Variants in FAM169A observed in about 807,000 individuals in gnomAD.
FAM169A encodes family with sequence similarity 169 member A.
In FAM169A, 24 loss-of-function variants were observed where a neutral mutation model predicts 75.7. That is an observed-to-expected ratio of 0.32 (90% confidence interval 0.23 to 0.45). The LOEUF (loss-of-function observed/expected upper bound fraction) is 0.45. Ranked by LOEUF, FAM169A falls within the 20% of genes least tolerant of loss-of-function variation. FAM169A has a pLI of 1.00. For synonymous variants in FAM169A, 271 were observed against 271.0 expected (o/e 1.00, Z 0.00); for missense variants, 673 against 784.0 (o/e 0.86, Z 1.69).
At chr5:74,785,589 C>A (rs896347110) in intron 11 of FAM169A, among the ~76,000 whole-genome samples, 6 of 152,146 alleles carry the variant, frequency 3.9e-5, no homozygotes, top group African/African-American at 1.4e-4. Context: ...TTGGCAAAAA[C>A]CCCATCTCTA....
In FAM169A at chr5:74,859,786, G is replaced by A. The variant is rs374728550; in HGVS notation, c.-4+6379C>T. Among the ~76,000 whole-genome samples, 4 of 152,220 alleles carry A rather than the reference G, an allele frequency of 2.6e-5. No homozygotes were observed. The East Asian group carries it at 7.7e-4, about 29-fold the overall frequency. ...TAATCCCAGCACTTTGGGAGGCTGA[G>A]GTAGAAGGACTGCTTGAGGCCAGGA... On this transcript the variant is annotated intron_variant, in intron 1 of 12. Coordinates refer to ENST00000687041, the MANE Select transcript of FAM169A (RefSeq NM_001376049.1).
chr5:74,840,556 C>T (rs1030719148), intron 2 of FAM169A, among the ~76,000 whole-genome samples: 1 of 148,174 alleles, frequency 6.7e-6, no homozygotes, highest in African/African-American at 2.5e-5. Flanking sequence ...AGGCCGGGCA[C>T]AGTGGCTCAC....
intron 11 of FAM169A, among the ~76,000 whole-genome samples, chr5:74,791,401 G>A (rs551171682): frequency 3.3e-5 from 5 of 152,222 alleles, no homozygotes; most frequent in East Asian, 3.9e-4. Context: ...ATGACATTAC[G>A]TTCTGCTGGC....
At chr5:74,852,641 T>A (rs554116589) in intron 1 of FAM169A, among the ~76,000 whole-genome samples, 8 of 151,870 alleles carry the variant, frequency 5.3e-5, no homozygotes, top group African/African-American at 1.9e-4. Context: ...AATGGATGAC[T>A]GAAAGTACAC....
At chr5:74,809,317 A>G (rs1375982501) in intron 6 of FAM169A, among the ~76,000 whole-genome samples, 2 of 152,184 alleles carry the variant, frequency 1.3e-5, no homozygotes, top group African/African-American at 4.8e-5. Context: ...TAACTCGGCC[A>G]GGTGTGGTGG....
intron 1 of FAM169A, among the ~76,000 whole-genome samples, chr5:74,863,618 G>A (rs1487351193): frequency 2.0e-5 from 3 of 152,168 alleles, no homozygotes; most frequent in East Asian, 3.8e-4. Context: ...ACTGAACATA[G>A]TATGCTTAAG....
rs1245892196 is a variant in FAM169A at position 74,778,997 on chromosome 5, G to T, written c.*2463C>A. 1 of 152,144 alleles carries T rather than the reference G, an allele frequency of 6.6e-6. No homozygotes were observed. Among genetic ancestry groups the T allele is most frequent in the African/African-American group, 2.4e-5 (1 of 41,448 alleles). 9.4% of individuals were successfully genotyped at this position (152,144 alleles called of 1,614,324 possible). A position where few individuals can be genotyped will look rare whatever the true frequency, so the allele number is the denominator to read the frequency against. ...ATTCTATACTCAAGTTACTGAACAT[G>T]AGAGTTAGGTTTTTCCAAGTGATCT... is the stretch of plus-strand genomic sequence containing the variant. On this transcript the variant is annotated 3_prime_UTR_variant, in exon 13 of 13. Coordinates refer to ENST00000687041, the MANE Select transcript of FAM169A (RefSeq NM_001376049.1).
At chr5:74,854,262 G>A (rs1038223298) in intron 1 of FAM169A, among the ~76,000 whole-genome samples, 1 of 152,046 alleles carries the variant, frequency 6.6e-6, no homozygotes, top group African/African-American at 2.4e-5. Flanking sequence ...AGGTATGGTG[G>A]CGGATGCCTG....
In FAM169A at chr5:74,782,028, TCAACAAATAA is replaced by T; in HGVS notation, c.1465-30_1465-21del. ...TGGGGTCTGAAAATTAAAAACCTGG[TCAACAAATAA>T]ACTTGTACTACAGTTCTAAAAATAA... On this transcript the variant is annotated intron_variant, in intron 12 of 12. Coordinates refer to ENST00000687041, the MANE Select transcript of FAM169A (RefSeq NM_001376049.1). 3 of 1,576,576 alleles carry T rather than the reference TCAACAAATAA, an allele frequency of 1.9e-6. No individual in the cohort carries two copies. The highest frequency in any genetic ancestry group is 2.6e-6 in the Non-Finnish European group (3 of 1,158,250).
intron 2 of FAM169A, among the ~76,000 whole-genome samples, chr5:74,840,581 C>A (rs1451720434): frequency 6.7e-6 from 1 of 150,224 alleles, no homozygotes; most frequent in Non-Finnish European, 1.5e-5. Flanking sequence ...GTAATCCCAG[C>A]ACTCTGGGGA....
chr5:74,792,236 T>C (rs1372099882), intron 11 of FAM169A, among the ~76,000 whole-genome samples: 3 of 152,182 alleles, frequency 2.0e-5, no homozygotes, highest in Admixed American at 6.5e-5. Context: ...TTGATTGGAT[T>C]GAAGGATGCA....
intron 11 of FAM169A, among the ~76,000 whole-genome samples, chr5:74,784,004 A>C (rs1401090455): frequency 6.6e-6 from 1 of 152,084 alleles, no homozygotes; most frequent in Non-Finnish European, 1.5e-5. Context: ...GTTCTAAAAT[A>C]AAAATTGTCT....
chr5:74,800,975 T>C lies in FAM169A; in HGVS notation c.1008A>G (p.Pro336=), dbSNP rs1464428579. 1.3e-6 allele frequency: 2 copies of C among 1,563,226 alleles called. No homozygotes were observed. Among genetic ancestry groups the C allele is most frequent in the Admixed American group, 3.7e-5 (2 of 53,890 alleles). Residue 336 remains proline (P), a synonymous_variant, in exon 10 of 13, where the codon CCA becomes CCG. Coordinates refer to ENST00000687041, the MANE Select transcript of FAM169A (RefSeq NM_001376049.1). ...AATCCTGAAACCGCTTTCCAATCTT[T>C]GGCCGCTTTAGATTACCACTTCGAG... ...THTRSGNLKR[P]KIGKRFQDSE...
At chr5:74,799,342 G>A in intron 10 of FAM169A, 1 of 1,608,860 alleles carries the variant, frequency 6.2e-7, no homozygotes, top group Non-Finnish European at 8.5e-7. Context: ...GGGAAGTGAA[G>A]CACGACTCAT....
intron 1 of FAM169A, among the ~76,000 whole-genome samples, chr5:74,850,733 G>A (rs1749399046): frequency 1.3e-5 from 2 of 152,026 alleles, no homozygotes; most frequent in Admixed American, 1.3e-4. Flanking sequence ...AAACTCAGAG[G>A]CAAATTATAA....
At chr5:74,809,328 C>T (rs1747046608) in intron 6 of FAM169A, among the ~76,000 whole-genome samples, 1 of 152,206 alleles carries the variant, frequency 6.6e-6, no homozygotes, top group African/African-American at 2.4e-5. Context: ...GGTGTGGTGG[C>T]TCACGCCTGT....
chr5:74,820,337 A>G (rs1217961638), intron 5 of FAM169A, among the ~76,000 whole-genome samples: 1 of 152,036 alleles, frequency 6.6e-6, no homozygotes, highest in Admixed American at 6.5e-5. Flanking sequence ...TGGTATATGA[A>G]TATCTCAGGT....
chr5:74,813,896 G>A lies in FAM169A; in HGVS notation c.614C>T (p.Ser205Phe). Residue 205 changes from serine to phenylalanine, a missense_variant, in exon 6 of 13, where the codon TCC becomes TTC. Coordinates refer to ENST00000687041, the MANE Select transcript of FAM169A (RefSeq NM_001376049.1). ...CAAGCCAAGCGCATCTTCTGTAAAG[G>A]AATCAACAAAGTCCTCCAGCATGTG... ...GLHMLEDFVDSFTEDALGLRY... is the reference protein window; with the variant it reads ...GLHMLEDFVDFFTEDALGLRY... The A allele has an allele frequency of 6.2e-7, 1 of 1,608,578 alleles. No individual in the cohort carries two copies. The highest frequency in any genetic ancestry group is 8.5e-7 in the Non-Finnish European group (1 of 1,178,590).
At chr5:74,849,769 A>T (rs1003446096) in intron 1 of FAM169A, among the ~76,000 whole-genome samples, 8 of 152,056 alleles carry the variant, frequency 5.3e-5, no homozygotes, top group Non-Finnish European at 8.8e-5. Context: ...GCCCTACACA[A>T]GGTCCTAAAC....
Sources: allele counts gnomAD v4.1 joint callset (sites outside exome capture counted in the v4.1 genomes callset), GRCh38; gene constraint gnomAD v4.1.1; transcripts MANE v1.5; gene names NCBI Gene and HGNC (gene_info 2026-07-23, HGNC 2026-07-21).